The following MYO10 variants were observed in gnomAD, a reference collection of about 807,000 sequenced individuals.
The protein encoded by MYO10 is myosin X, also known as unconventional myosin-X.
A neutral mutation model predicts 257.3 loss-of-function variants in MYO10; 133 were observed. The ratio of observed to expected loss-of-function variants is 0.52; its 90% CI spans 0.45 to 0.60. MYO10 has a LOEUF of 0.60. Among genes scored for constraint, MYO10 ranks in the 20% least tolerant of loss-of-function variants. The pLI is 0.00. For synonymous variants in MYO10, 1,104 were observed against 1,028.6 expected (o/e 1.07, Z -1.40); for missense variants, 2,399 against 2,635.7 (o/e 0.91, Z 1.97).
chr5:16,677,569 C>T (rs1027623527), intron 33 of MYO10, among the ~76,000 whole-genome samples: 1 of 150,840 alleles, frequency 6.6e-6, no homozygotes, highest in African/African-American at 2.5e-5. Flanking sequence ...GCGCCTGCCA[C>T]CACACCCAGC....
rs571800541 is a variant in MYO10 at position 16,669,604 on chromosome 5, G to C, written c.5883+922C>G. Among the ~76,000 whole-genome samples the C allele has an allele frequency of 2.4e-4, 36 of 152,078 alleles. 1 individual carries two copies. Among genetic ancestry groups the C allele is most frequent in the Admixed American group, 6.5e-4 (10 of 15,280 alleles). ...CCTTGTCAGGGAGAAATGGAATTATGGCTTTGTACAAAGCACCTGATTTTT... is the reference window on the plus strand; with the variant it reads ...CCTTGTCAGGGAGAAATGGAATTATCGCTTTGTACAAAGCACCTGATTTTT... On this transcript the variant is annotated intron_variant, in intron 39 of 40. Coordinates refer to ENST00000513610, the MANE Select transcript of MYO10 (RefSeq NM_012334.3).
At chr5:16,815,511 T>C (rs1298448344) in intron 3 of MYO10, 12 of 691,340 alleles carry the variant, frequency 1.7e-5, no homozygotes, top group Non-Finnish European at 3.1e-5. Flanking sequence ...CAGGTTCACA[T>C]TTTATCAACT....
chr5:16,740,897 A>C (rs1409632738), intron 19 of MYO10, among the ~76,000 whole-genome samples: 1 of 152,024 alleles, frequency 6.6e-6, no homozygotes, highest in African/African-American at 2.4e-5. Context: ...AAAAAAAAAA[A>C]ACCCAACATT....
chr5:16,773,143 T>C (rs1221226181), intron 9 of MYO10, among the ~76,000 whole-genome samples: 2 of 152,202 alleles, frequency 1.3e-5, no homozygotes, highest in Admixed American at 6.5e-5. Flanking sequence ...TATCATTTCA[T>C]GCATACAAAC....
intron 1 of MYO10, among the ~76,000 whole-genome samples, chr5:16,881,929 G>C (rs2126765719): frequency 6.6e-6 from 1 of 152,180 alleles, no homozygotes; most frequent in Middle Eastern, 3.4e-3. Flanking sequence ...AGGCAACCTA[G>C]CATATGGAAA....
At chr5:16,703,572 A>T (rs1738187689) in intron 22 of MYO10, among the ~76,000 whole-genome samples, 1 of 152,110 alleles carries the variant, frequency 6.6e-6, no homozygotes, top group African/African-American at 2.4e-5. Flanking sequence ...TGCAACTAAA[A>T]CGCACATGAG....
chr5:16,872,814 G>A (rs1744490503), intron 2 of MYO10, among the ~76,000 whole-genome samples: 3 of 152,178 alleles, frequency 2.0e-5, no homozygotes, highest in Admixed American at 2.0e-4. Context: ...ATCAGATCTT[G>A]TGAGACTTTT....
At chr5:16,818,514 G>A (rs143531470) in intron 2 of MYO10, among the ~76,000 whole-genome samples, 2,598 of 151,288 alleles carry the variant, frequency 0.017, 35 homozygotes, top group Non-Finnish European at 0.025. Flanking sequence ...ACAGCTCACC[G>A]CAGCCTCCAC....
chr5:16,738,153 G>T, intron 19 of MYO10: 1 of 985,484 alleles, frequency 1.0e-6, no homozygotes, highest in Non-Finnish European at 1.2e-6. Context: ...GGAGCTGAAG[G>T]AGAGAAGCCA....
chr5:16,776,853 C>T (rs75209601), intron 9 of MYO10, among the ~76,000 whole-genome samples: 2,491 of 152,290 alleles, frequency 0.016, 50 homozygotes, highest in African/African-American at 0.057. Flanking sequence ...CAAGCGAGCT[C>T]GCAGGTGATG....
chr5:16,844,954 G>GCACACA (rs70943809), intron 2 of MYO10, among the ~76,000 whole-genome samples: 72 of 142,404 alleles, frequency 5.1e-4, no homozygotes, highest in African/African-American at 1.8e-3. Context: ...ACACACACAC[G>GCACACA]CACACACACA....
intron 19 of MYO10, among the ~76,000 whole-genome samples, chr5:16,716,696 G>A (rs1303034436): frequency 6.6e-6 from 1 of 151,962 alleles, no homozygotes; most frequent in Non-Finnish European, 1.5e-5. Context: ...GGAAGACGTG[G>A]CTGGGGGTGG....
At chr5:16,792,793 G>A (rs945037007) in intron 4 of MYO10, among the ~76,000 whole-genome samples, 6 of 152,092 alleles carry the variant, frequency 3.9e-5, no homozygotes, top group Non-Finnish European at 7.4e-5. Flanking sequence ...CTGACATATG[G>A]CTCTCCATAT....
intron 28 of MYO10, among the ~76,000 whole-genome samples, chr5:16,687,624 G>A (rs1046130902): frequency 1.1e-4 from 17 of 151,814 alleles, no homozygotes; most frequent in African/African-American, 3.6e-4. Flanking sequence ...CTGTGCAAAC[G>A]ATTTACAGCA....
chr5:16,915,177 C>G (rs1198490081), intron 1 of MYO10, among the ~76,000 whole-genome samples: 1 of 152,152 alleles, frequency 6.6e-6, no homozygotes, highest in African/African-American at 2.4e-5. Flanking sequence ...GCCCTTTACA[C>G]TGAACTAAGG....
chr5:16,883,692 G>A (rs1471531219), intron 1 of MYO10, among the ~76,000 whole-genome samples: 1 of 152,148 alleles, frequency 6.6e-6, no homozygotes, highest in Admixed American at 6.5e-5. Flanking sequence ...GCTGACCTCT[G>A]CTTTAAGATA....
chr5:16,744,475 C>T (rs1176987209), intron 19 of MYO10, among the ~76,000 whole-genome samples: 2 of 152,110 alleles, frequency 1.3e-5, no homozygotes, highest in Non-Finnish European at 2.9e-5. Flanking sequence ...GGTGGCTGTG[C>T]GATACCCTTC....
In MYO10 at chr5:16,670,962, A is replaced by G. The variant is rs189405246; in HGVS notation, c.5447T>C (p.Ile1816Thr). 7 of 1,609,966 alleles carry G rather than the reference A, an allele frequency of 4.3e-6. No individual in the cohort carries two copies. The Admixed American group carries it at 1.2e-4, about 27-fold the overall frequency. ...TTCCGGGGCTGGATGGTGGCCATGG[A>G]TAACCGCTTCGTGGGCCTGAAAGGA... ...FMFEQAHEAVIHGHHPAPEEN... is the reference protein window; with the variant it reads ...FMFEQAHEAVTHGHHPAPEEN... The change falls in exon 39 of 41, where the codon ATC becomes ACC. Residue 1816 changes from isoleucine (I) to threonine (T), a missense_variant. By Grantham distance (89) the Ile-to-Thr change is moderately conservative. Around this residue, in one of 3 missense-constraint regions of MYO10, gnomAD observed 1,820 missense variants for 1,939.4 expected, o/e 0.94. Coordinates refer to ENST00000513610, the MANE Select transcript of MYO10 (RefSeq NM_012334.3).
intron 19 of MYO10, among the ~76,000 whole-genome samples, chr5:16,723,104 T>C (rs1739218298): frequency 1.3e-5 from 2 of 152,068 alleles, no homozygotes. Context: ...AGGCCAGGCG[T>C]GGTGGCTCAC....
Sources: allele counts gnomAD v4.1 joint callset (sites outside exome capture counted in the v4.1 genomes callset), GRCh38; gene constraint gnomAD v4.1.1; regional missense constraint gnomAD v4.1.1; transcripts MANE v1.5; gene names NCBI Gene and HGNC (gene_info 2026-07-23, HGNC 2026-07-21).